The following PTPRD variants were observed in gnomAD, a reference collection of about 807,000 sequenced individuals.
PTPRD encodes protein tyrosine phosphatase receptor type D.
Under a neutral mutation model 214.5 loss-of-function variants are expected in PTPRD, and 34 were observed. The ratio of observed to expected loss-of-function variants is 0.16; its 90% CI spans 0.12 to 0.21. The LOEUF (loss-of-function observed/expected upper bound fraction) is 0.21. Ranked by LOEUF, PTPRD falls within the 10% of genes least tolerant of loss-of-function variation. The probability of loss-of-function intolerance (pLI) is 1.00; values close to 1 mark genes in which losing one functional copy is unlikely to be tolerated. For synonymous variants in PTPRD, 1,128 were observed against 845.7 expected, an observed-to-expected ratio of 1.33 and a Z score of -5.79; for missense variants, 2,545 against 2,398.7, an observed-to-expected ratio of 1.06 and a Z score of -1.27.
At chr9:10,114,307 G>C (rs12336411) in intron 3 of PTPRD, among the ~76,000 whole-genome samples, 10,403 of 152,174 alleles carry the variant, frequency 0.068, 538 homozygotes, top group Admixed American at 0.16. Context: ...AAAGGAAATA[G>C]GATATGGATC....
intron 39 of PTPRD, among the ~76,000 whole-genome samples, chr9:8,353,593 C>T (rs75885112): frequency 0.097 from 14,699 of 151,762 alleles, 1,151 homozygotes; most frequent in African/African-American, 0.22. Flanking sequence ...CCACTACACC[C>T]GGCTCATTTT....
chr9:8,661,504 T>C (rs542154507), intron 12 of PTPRD, among the ~76,000 whole-genome samples: 96 of 152,226 alleles, frequency 6.3e-4, no homozygotes, highest in African/African-American at 2.1e-3. Context: ...AGTGTTAGAA[T>C]ATAAAATGTT....
chr9:9,603,040 T>G (rs2093894896), intron 7 of PTPRD, among the ~76,000 whole-genome samples: 1 of 152,122 alleles, frequency 6.6e-6, no homozygotes, highest in Non-Finnish European at 1.5e-5. Flanking sequence ...ACTAGTTCCC[T>G]TAAAAAGAAT....
At chr9:9,071,865 G>A (rs557159275) in intron 10 of PTPRD, among the ~76,000 whole-genome samples, 9 of 152,216 alleles carry the variant, frequency 5.9e-5, no homozygotes, top group Middle Eastern at 3.4e-3. Context: ...AAAGTAAAGC[G>A]CTTTGTAAGT....
intron 39 of PTPRD, among the ~76,000 whole-genome samples, chr9:8,353,963 T>TATATATATATATA (rs1564203469): frequency 3.9e-5 from 2 of 51,254 alleles, no homozygotes; most frequent in African/African-American, 8.0e-5. Flanking sequence ...TATATATATA[T>TATATATATATATA]GTTTTTTTTT....
intron 3 of PTPRD, among the ~76,000 whole-genome samples, chr9:10,111,482 C>T (rs1047670126): frequency 3.3e-5 from 5 of 151,868 alleles, no homozygotes; most frequent in African/African-American, 1.2e-4. Context: ...TCGTGATCCG[C>T]CCGCCTCGGC....
intron 11 of PTPRD, among the ~76,000 whole-genome samples, chr9:8,872,526 A>G (rs907415202): frequency 6.6e-6 from 1 of 152,202 alleles, no homozygotes; most frequent in Non-Finnish European, 1.5e-5. Context: ...TATTTTGGCC[A>G]TAATTATACT....
chr9:9,820,379 T>C (rs1251575939), intron 5 of PTPRD, among the ~76,000 whole-genome samples: 2 of 152,158 alleles, frequency 1.3e-5, no homozygotes, highest in Non-Finnish European at 2.9e-5. Flanking sequence ...AGATTGTGAA[T>C]ATTAGGCCTT....
At chr9:9,414,166 T>C (rs962802725) in intron 8 of PTPRD, among the ~76,000 whole-genome samples, 2 of 152,232 alleles carry the variant, frequency 1.3e-5, no homozygotes. Context: ...TCAAAAGGTA[T>C]TCTGAGTGCC....
chr9:8,890,419 C>T (rs1428582244), intron 11 of PTPRD, among the ~76,000 whole-genome samples: 2 of 152,176 alleles, frequency 1.3e-5, no homozygotes, highest in Non-Finnish European at 2.9e-5. Context: ...AGAATCTTGT[C>T]ACCTCTCATA....
chr9:9,432,505 C>A (rs766033897), intron 8 of PTPRD, among the ~76,000 whole-genome samples: 15 of 152,134 alleles, frequency 9.9e-5, no homozygotes, highest in Non-Finnish European at 2.1e-4. Flanking sequence ...ATTGATCCAA[C>A]AAGAAATAGC....
intron 9 of PTPRD, among the ~76,000 whole-genome samples, chr9:9,278,182 T>C (rs1946360055): frequency 6.6e-6 from 1 of 151,292 alleles, no homozygotes; most frequent in African/African-American, 2.4e-5. Context: ...GGGCAACAAA[T>C]AAGAGATCAT....
At chr9:8,480,032 A>G (rs2096846889) in intron 30 of PTPRD, among the ~76,000 whole-genome samples, 1 of 152,126 alleles carries the variant, frequency 6.6e-6, no homozygotes, top group African/African-American at 2.4e-5. Context: ...ACCCCATTAT[A>G]TTCACATTAT....
At chr9:9,608,258 T>A (rs1004639721) in intron 7 of PTPRD, among the ~76,000 whole-genome samples, 6 of 152,212 alleles carry the variant, frequency 3.9e-5, no homozygotes, top group Admixed American at 1.3e-4. Flanking sequence ...CTGTTATTAT[T>A]ATAATTGCAT....
intron 5 of PTPRD, among the ~76,000 whole-genome samples, chr9:9,802,047 A>G (rs1355288221): frequency 6.6e-6 from 1 of 152,106 alleles, no homozygotes; most frequent in Non-Finnish European, 1.5e-5. Flanking sequence ...TATGCATTTC[A>G]AATTGAATGT....
chr9:8,893,223 A>G (rs1229865846), intron 11 of PTPRD, among the ~76,000 whole-genome samples: 2 of 152,210 alleles, frequency 1.3e-5, no homozygotes, highest in East Asian at 3.9e-4. Context: ...AAACAGAAGC[A>G]TGTTCCTGGA....
intron 9 of PTPRD, among the ~76,000 whole-genome samples, chr9:9,381,128 G>C (rs1020995430): frequency 6.6e-6 from 1 of 151,904 alleles, no homozygotes; most frequent in African/African-American, 2.4e-5. Flanking sequence ...CTTATATTTT[G>C]ATCTACTCTG....
chr9:9,936,548 T>A (rs1040110932), intron 5 of PTPRD, among the ~76,000 whole-genome samples: 1 of 142,568 alleles, frequency 7.0e-6, no homozygotes, highest in African/African-American at 2.8e-5. Flanking sequence ...CCAGTTAGAA[T>A]GGCGATCATT....
rs370214142 is a variant in PTPRD at position 9,217,524 on chromosome 9, T to A, written c.-202-34161A>T. 1.1e-3 allele frequency among the ~76,000 whole-genome samples: 174 copies of A among 152,274 alleles called. 3 individuals carry two copies. In the South Asian group the frequency reaches 0.034, roughly 30 times the overall value. On this transcript the variant is annotated intron_variant, in intron 9 of 45. Transcript: ENST00000381196. The stretch of plus-strand genomic sequence containing the variant: ...TTAGCACAACCAGCATCCTCTCATC[T>A]GGGAGTATATTGGCTATGTCGGATC...
Sources: allele counts gnomAD v4.1 joint callset (sites outside exome capture counted in the v4.1 genomes callset), GRCh38; gene constraint gnomAD v4.1.1; transcripts MANE v1.5; gene names NCBI Gene and HGNC (gene_info 2026-07-23, HGNC 2026-07-21).